The following FOXN2 variants were observed in gnomAD, a reference collection of about 807,000 sequenced individuals.
FOXN2 encodes the protein forkhead box N2, also known as forkhead box protein N2.
In FOXN2, 19 loss-of-function variants were observed where a neutral mutation model predicts 41.2. That is an observed-to-expected ratio of 0.46 (90% confidence interval 0.32 to 0.68). The LOEUF is 0.68. Ranked by LOEUF, FOXN2 falls within the 30% of genes least tolerant of loss-of-function variation. The pLI, the probability that FOXN2 is intolerant of heterozygous loss-of-function variation, is 0.03. For synonymous variants in FOXN2, 195 were observed against 176.8 expected, an observed-to-expected ratio of 1.10 and a Z score of -0.82; for missense variants, 587 against 509.4, an observed-to-expected ratio of 1.15 and a Z score of -1.47.
intron 3 of FOXN2, among the ~76,000 whole-genome samples, chr2:48,357,862 GAAAAA>G (rs200738115): frequency 3.2e-4 from 36 of 113,710 alleles, no homozygotes; most frequent in Non-Finnish European, 5.1e-4. Flanking sequence ...GTCTTTTATT[GAAAAA>G]AAAAAAAAAA....
At chr2:48,319,222 C>T (rs1275853219) in intron 1 of FOXN2, among the ~76,000 whole-genome samples, 4 of 150,676 alleles carry the variant, frequency 2.7e-5, no homozygotes, top group Non-Finnish European at 4.4e-5. Context: ...ATAACAGGGA[C>T]CCTGGTCTCT....
At chr2:48,320,503 C>A (rs1385699184) in intron 1 of FOXN2, among the ~76,000 whole-genome samples, 1 of 152,086 alleles carries the variant, frequency 6.6e-6, no homozygotes, top group African/African-American at 2.4e-5. Flanking sequence ...GTTGGCCAGG[C>A]TGGTCTTGAA....
intron 3 of FOXN2, among the ~76,000 whole-genome samples, chr2:48,357,199 A>G (rs1558632966): frequency 6.6e-6 from 1 of 152,328 alleles, no homozygotes; most frequent in East Asian, 1.9e-4. Flanking sequence ...TACTCAAGAT[A>G]CTTAACTGCC....
At chr2:48,358,969 G>A in intron 3 of FOXN2, 78 bp from the exon 4 acceptor site, 1 of 1,095,176 alleles carries the variant, frequency 9.1e-7, no homozygotes, top group Admixed American at 2.1e-5. Flanking sequence ...ATTTACCCCT[G>A]CACATTTATT....
Position 48,346,282 on chromosome 2 carries a change from G to A in FOXN2, c.68G>A (p.Gly23Glu). ...AETPGAEKIAGLSQIYKMGSL... is the reference protein window; with the variant it reads ...AETPGAEKIAELSQIYKMGSL... The stretch of plus-strand genomic sequence containing the variant: ...ACCCCAGGAGCTGAAAAGATTGCAG[G>A]ATTAAGCCAGATTTACAAAATGGGA... Residue 23 changes from glycine (G) to glutamate (E), a missense_variant, in exon 3 of 7, where the codon GGA (glycine) becomes GAA (glutamate). Transcript: ENST00000340553. The A allele has an allele frequency of 6.2e-7, 1 of 1,614,178 alleles. No individual in the cohort carries two copies. The highest frequency in any genetic ancestry group is 2.2e-5 in the East Asian group (1 of 44,890).
At chr2:48,336,801 C>G (rs1032599489) in intron 2 of FOXN2, among the ~76,000 whole-genome samples, 3 of 151,472 alleles carry the variant, frequency 2.0e-5, no homozygotes, top group African/African-American at 7.3e-5. Flanking sequence ...AAAACATACA[C>G]CTGGCAATTT....
chr2:48,361,205 G>A (rs1672155647), intron 4 of FOXN2, among the ~76,000 whole-genome samples: 4 of 152,148 alleles, frequency 2.6e-5, no homozygotes, highest in Admixed American at 2.6e-4. Context: ...GGTGGCTCAA[G>A]CTTGTAATCC....
At chr2:48,336,592 T>C (rs984038307) in intron 2 of FOXN2, among the ~76,000 whole-genome samples, 2 of 150,220 alleles carry the variant, frequency 1.3e-5, no homozygotes, top group Admixed American at 6.6e-5. Context: ...TTAAAAAAAA[T>C]GGAATGAGAA....
Position 48,378,224 on chromosome 2 carries a change from T to G in FOXN2, c.*2781T>G, listed in dbSNP as rs1673367584. ...CAATATATTACTAAATCAGTTATTA[T>G]TTTACTTTTCCAAATTCAGAGAAAG... On this transcript the variant is annotated 3_prime_UTR_variant, in exon 7 of 7. Transcript: ENST00000340553. The G allele has an allele frequency of 6.6e-6, 1 of 152,250 alleles. No individual in the cohort carries two copies. The highest frequency in any genetic ancestry group is 2.4e-5 in the African/African-American group (1 of 41,384). The allele number at this position is 152,250 out of a possible 1,614,324, so 9.4% of individuals were successfully genotyped here.
At chr2:48,355,753 G>T (rs1671753989) in intron 3 of FOXN2, among the ~76,000 whole-genome samples, 1 of 152,188 alleles carries the variant, frequency 6.6e-6, no homozygotes, top group African/African-American at 2.4e-5. Context: ...GCAAGGTCTA[G>T]ATCAAACTAT....
chr2:48,321,334 G>A (rs1669301842), intron 1 of FOXN2, among the ~76,000 whole-genome samples: 1 of 152,118 alleles, frequency 6.6e-6, no homozygotes, highest in Non-Finnish European at 1.5e-5. Flanking sequence ...AGGAGATCGA[G>A]ACCGTCTGGC....
intron 5 of FOXN2, among the ~76,000 whole-genome samples, chr2:48,369,249 T>C (rs922163890): frequency 4.6e-5 from 7 of 152,166 alleles, no homozygotes; most frequent in African/African-American, 1.4e-4. Flanking sequence ...TTAAAAGAAG[T>C]GAAGTTAGGC....
intron 2 of FOXN2, among the ~76,000 whole-genome samples, chr2:48,330,558 A>G (rs1219037009): frequency 1.3e-5 from 2 of 151,932 alleles, no homozygotes; most frequent in Admixed American, 6.6e-5. Context: ...TTTTTTTAAT[A>G]TTGGTTACTT....
Position 48,375,544 on chromosome 2 carries a change from ATTAC to A in FOXN2, c.*105_*108del, listed in dbSNP as rs1328117007. On this transcript the variant is annotated 3_prime_UTR_variant, in exon 7 of 7. Transcript: ENST00000340553. ...GTTTTAGGGTAGGGAAGGGATACTAATTACTTATTTCTTTCAAAACATTTTTGGT... is the reference window on the plus strand; with the variant it reads ...GTTTTAGGGTAGGGAAGGGATACTAATTATTTCTTTCAAAACATTTTTGGT... The A allele has an allele frequency of 3.4e-6, 4 of 1,177,854 alleles. No homozygotes were observed. The South Asian group carries it at 5.0e-5, about 15-fold the overall frequency. 73.0% of individuals were successfully genotyped at this position (1,177,854 alleles called of 1,614,324 possible). A position where few individuals can be genotyped will look rare whatever the true frequency, so the allele number is the denominator to read the frequency against.
intron 2 of FOXN2, among the ~76,000 whole-genome samples, chr2:48,340,139 G>A (rs1670649096): frequency 6.6e-6 from 1 of 152,210 alleles, no homozygotes; most frequent in Non-Finnish European, 1.5e-5. Context: ...GTGTGGAAAA[G>A]TAAGTCAAAA....
intron 5 of FOXN2, among the ~76,000 whole-genome samples, chr2:48,364,941 A>G (rs1033417552): frequency 1.3e-5 from 2 of 152,200 alleles, no homozygotes; most frequent in Non-Finnish European, 2.9e-5. Context: ...TTTCTCCTGT[A>G]GGTTATTTAA....
rs1349616300 is a variant in FOXN2, at chr2:48,376,785, A to G, written c.*1342A>G. On this transcript the variant is annotated 3_prime_UTR_variant, in exon 7 of 7. Transcript: ENST00000340553. Reference sequence around the variant, plus strand: ...TAATTCATTGTATCTTTTTTTTACAATGGTGGAAGCAACTTTCTGAAAGTT... The same window carrying G: ...TAATTCATTGTATCTTTTTTTTACAGTGGTGGAAGCAACTTTCTGAAAGTT... The G allele has an allele frequency of 1.3e-5, 2 of 152,424 alleles. No individual in the cohort carries two copies. The highest frequency in any genetic ancestry group is 2.4e-5 in the African/African-American group (1 of 41,434). The allele number at this position is 152,424 out of a possible 1,614,324, so 9.4% of individuals were successfully genotyped here.
chr2:48,326,533 T>C (rs1669686410), intron 1 of FOXN2, among the ~76,000 whole-genome samples: 1 of 152,200 alleles, frequency 6.6e-6, no homozygotes, highest in African/African-American at 2.4e-5. Context: ...TTTAGGAAGA[T>C]ACTGTAGGAG....
chr2:48,317,177 C>T (rs559168384), intron 1 of FOXN2, among the ~76,000 whole-genome samples: 124 of 152,046 alleles, frequency 8.2e-4, no homozygotes, highest in Non-Finnish European at 1.4e-3. Flanking sequence ...AAAAGGATTG[C>T]TCAACTCGTG....
Sources: gnomAD v4.1 joint callset for allele counts (sites outside exome capture counted in the v4.1 genomes callset) on GRCh38, gnomAD v4.1.1 for gene constraint, MANE v1.5 for transcripts, NCBI Gene and HGNC (gene_info 2026-07-23, HGNC 2026-07-21) for gene names.